The following ITPRID1 variants were observed in gnomAD, a reference collection of about 807,000 sequenced individuals.
The protein encoded by ITPRID1 is protein ITPRID1.
ITPRID1 carries 96 observed loss-of-function variants against 95.4 expected under a neutral mutation model. The ratio of observed to expected loss-of-function variants is 1.01; its 90% CI spans 0.85 to 1.19. The LOEUF (loss-of-function observed/expected upper bound fraction) is 1.19. Among genes scored for constraint, ITPRID1 ranks in the 50% most tolerant of loss-of-function variants. The pLI, the probability that ITPRID1 is intolerant of heterozygous loss-of-function variation, is 0.00. For synonymous variants in ITPRID1, 510 were observed against 453.6 expected, an observed-to-expected ratio of 1.12 and a Z score of -1.58; for missense variants, 1,339 against 1,252.9, an observed-to-expected ratio of 1.07 and a Z score of -1.04.
chr7:31,582,353 T>C (rs1275950851), intron 9 of ITPRID1, among the ~76,000 whole-genome samples: 1 of 152,206 alleles, frequency 6.6e-6, no homozygotes, highest in Non-Finnish European at 1.5e-5. Flanking sequence ...AAAAAATGTA[T>C]ATAAAAGAAA....
chr7:31,515,201 T>G (rs1436262933), intron 1 of ITPRID1, among the ~76,000 whole-genome samples: 4 of 152,044 alleles, frequency 2.6e-5, no homozygotes, highest in African/African-American at 9.7e-5. Flanking sequence ...ACCTTTTCAT[T>G]CCTTTCCACT....
At chr7:31,590,976 C>T (rs1399559545) in intron 10 of ITPRID1, among the ~76,000 whole-genome samples, 1 of 152,160 alleles carries the variant, frequency 6.6e-6, no homozygotes, top group Non-Finnish European at 1.5e-5. Flanking sequence ...TCAAATTCAG[C>T]CTGTCTAGCT....
At chr7:31,599,633 C>CT (rs550292196) in intron 10 of ITPRID1, among the ~76,000 whole-genome samples, 1 of 48,478 alleles carries the variant, frequency 2.1e-5, no homozygotes, top group East Asian at 7.3e-4. Context: ...TTCTTTCTTT[C>CT]TTTCTTTCTT....
At chr7:31,632,319 G>A (rs1180726925) in intron 10 of ITPRID1, among the ~76,000 whole-genome samples, 5 of 152,014 alleles carry the variant, frequency 3.3e-5, no homozygotes, top group Admixed American at 2.6e-4. Flanking sequence ...GTGGTGGCAC[G>A]TGCCTGTAGT....
chr7:31,657,913 G>T (rs1791373538), downstream of ITPRID1, among the ~76,000 whole-genome samples: 1 of 152,080 alleles, frequency 6.6e-6, no homozygotes, highest in South Asian at 2.1e-4. Flanking sequence ...TTAGAAATCA[G>T]CCAAGGAAAA....
intron 3 of ITPRID1, among the ~76,000 whole-genome samples, chr7:31,553,422 T>G (rs1006043968): frequency 6.6e-6 from 1 of 152,194 alleles, no homozygotes; most frequent in African/African-American, 2.4e-5. Flanking sequence ...TGAACTCTGC[T>G]TCCTTTCCAC....
intron 1 of ITPRID1, among the ~76,000 whole-genome samples, chr7:31,530,794 A>G (rs1338832412): frequency 6.6e-6 from 1 of 151,576 alleles, no homozygotes; most frequent in East Asian, 1.9e-4. Context: ...TAACAAGTCC[A>G]GAGTTCATTG....
chr7:31,634,480 G>A (rs543358812), intron 10 of ITPRID1, among the ~76,000 whole-genome samples: 1 of 152,164 alleles, frequency 6.6e-6, no homozygotes, highest in East Asian at 1.9e-4. Flanking sequence ...CCCTATGAGG[G>A]GACAGACTCA....
intron 10 of ITPRID1, among the ~76,000 whole-genome samples, chr7:31,607,087 C>T (rs1231624506): frequency 6.6e-6 from 1 of 151,928 alleles, no homozygotes; most frequent in Non-Finnish European, 1.5e-5. Context: ...TTGGATAGTC[C>T]TTTTTTTCTA....
chr7:31,628,448 CT>C lies in ITPRID1; in HGVS notation c.1229-13716del, dbSNP rs113407332. Reference sequence around the variant, plus strand: ...AGGAAGAGAAACACAAGCGTGATTCCTTTTTTTTTTTTCTTTTTTTTTCTTT... The same window carrying C: ...AGGAAGAGAAACACAAGCGTGATTCCTTTTTTTTTTTCTTTTTTTTTCTTT... On this transcript the variant is annotated intron_variant, in intron 10 of 14. Coordinates refer to ENST00000615280, the MANE Select transcript of ITPRID1 (RefSeq NM_001257967.3). Among the ~76,000 whole-genome samples, 536 of 143,390 alleles carry C rather than the reference CT, an allele frequency of 3.7e-3. 2 individuals carry two copies. Among genetic ancestry groups the C allele is most frequent in the Middle Eastern group, 0.011 (3 of 274 alleles). The allele number at this position is 143,390 out of a possible 152,430, so 94.1% of individuals were successfully genotyped here.
In ITPRID1 at chr7:31,578,197, G is replaced by T. The variant is rs1432174935; in HGVS notation, c.933G>T (p.Leu311=). The T allele has an allele frequency of 1.2e-6, 2 of 1,613,626 alleles. No individual in the cohort carries two copies. Among genetic ancestry groups the T allele is most frequent in the Non-Finnish European group, 1.7e-6 (2 of 1,179,780 alleles). Residue 311 remains leucine, a synonymous_variant, in exon 9 of 15, where the codon CTG becomes CTT. Coordinates refer to ENST00000615280, the MANE Select transcript of ITPRID1 (RefSeq NM_001257967.3). The part of the protein sequence containing the change: ...SINHKQNHLS[L]SVEHQSLQAC... Reference sequence around the variant, plus strand: ...ACCACAAGCAAAATCATTTGTCTCTGTCAGTAGAACATCAGTCTCTCCAAG... The same window carrying T: ...ACCACAAGCAAAATCATTTGTCTCTTTCAGTAGAACATCAGTCTCTCCAAG...
intron 12 of ITPRID1, among the ~76,000 whole-genome samples, chr7:31,648,227 T>C (rs1345670470): frequency 1.3e-5 from 2 of 152,186 alleles, no homozygotes; most frequent in African/African-American, 4.8e-5. Context: ...TTGGTGATGG[T>C]GCTCTTACCA....
At chr7:31,519,602 C>CCATATATA (rs1783155451) in intron 1 of ITPRID1, among the ~76,000 whole-genome samples, 1 of 57,212 alleles carries the variant, frequency 1.7e-5, no homozygotes, top group Admixed American at 2.2e-4. Context: ...CTCTCTCTCT[C>CCATATATA]TCTCTCTCTC....
chr7:31,632,226 A>C (rs1240234411), intron 10 of ITPRID1, among the ~76,000 whole-genome samples: 1 of 152,196 alleles, frequency 6.6e-6, no homozygotes, highest in Non-Finnish European at 1.5e-5. Context: ...AGGCAGGTGG[A>C]TCATGAGGTC....
chr7:31,623,453 C>A (rs899762440), intron 10 of ITPRID1, among the ~76,000 whole-genome samples: 2 of 151,394 alleles, frequency 1.3e-5, no homozygotes, highest in Non-Finnish European at 2.9e-5. Context: ...GTTCAATATA[C>A]GCAAATCAAT....
chr7:31,623,243 A>G (rs998427661), intron 10 of ITPRID1, among the ~76,000 whole-genome samples: 9 of 152,106 alleles, frequency 5.9e-5, no homozygotes, highest in African/African-American at 1.9e-4. Flanking sequence ...AATCCTCCCT[A>G]ACTCATTTTC....
chr7:31,619,476 G>A (rs1364188611), intron 10 of ITPRID1, among the ~76,000 whole-genome samples: 1 of 151,306 alleles, frequency 6.6e-6, no homozygotes, highest in Non-Finnish European at 1.5e-5. Context: ...TTTAAAGCAG[G>A]TAAAGTTACT....
chr7:31,567,048 G>A (rs1562574140), intron 5 of ITPRID1, among the ~76,000 whole-genome samples: 2 of 152,090 alleles, frequency 1.3e-5, no homozygotes, highest in Non-Finnish European at 2.9e-5. Flanking sequence ...AAAACCTAGT[G>A]TTTTAAAACT....
chr7:31,522,253 C>T (rs1324056267), intron 1 of ITPRID1, among the ~76,000 whole-genome samples: 1 of 152,150 alleles, frequency 6.6e-6, no homozygotes, highest in Non-Finnish European at 1.5e-5. Context: ...GTGAAAACAA[C>T]ATGTCCTCTC....
Sources: allele counts gnomAD v4.1 joint callset (sites outside exome capture counted in the v4.1 genomes callset), GRCh38; gene constraint gnomAD v4.1.1; transcripts MANE v1.5; gene names NCBI Gene and HGNC (gene_info 2026-07-23, HGNC 2026-07-21).